Variants in BTD observed in about 807,000 individuals in gnomAD.
The protein encoded by BTD is biotinidase.
Under a neutral mutation model 17.7 loss-of-function variants are expected in BTD, and 13 were observed. The ratio of observed to expected loss-of-function variants is 0.74; its 90% CI spans 0.48 to 1.17. The LOEUF is 1.17. BTD is among the 50% of genes most tolerant of loss of function. The pLI is 0.00. For missense variants in BTD, 674 were observed against 650.4 expected (o/e 1.04, Z -0.39); for synonymous variants, 240 against 245.2 (o/e 0.98, Z 0.20).
rs562527497 is a variant in BTD, at chr3:15,620,641, G to A, written c.-16-14783G>A. 5.6e-4 allele frequency among the ~76,000 whole-genome samples: 86 copies of A among 152,300 alleles called. 1 individual carries two copies. In the South Asian group the frequency reaches 0.017, roughly 30 times the overall value. On this transcript the variant is annotated intron_variant, in intron 1 of 3. Transcript: ENST00000643237. ...GAGGTGACATACATCTTCAGCCTAC[G>A]AAGATAACAGGATTAAGAGATTAAA...
At chr3:15,698,817 G>A (rs996270233) in intron 3 of BTD, among the ~76,000 whole-genome samples, 3 of 151,976 alleles carry the variant, frequency 2.0e-5, no homozygotes, top group African/African-American at 4.8e-5. Flanking sequence ...CATACTACCC[G>A]AGGTACTTTA....
intron 3 of BTD, among the ~76,000 whole-genome samples, chr3:15,699,105 A>G (rs995828973): frequency 6.6e-6 from 1 of 152,196 alleles, no homozygotes; most frequent in Non-Finnish European, 1.5e-5. Context: ...CAACCATCTG[A>G]TTTTTGACAA....
intron 1 of BTD, among the ~76,000 whole-genome samples, chr3:15,613,963 T>C (rs1469315100): frequency 6.6e-6 from 1 of 152,040 alleles, no homozygotes; most frequent in Non-Finnish European, 1.5e-5. Context: ...TCTTCAAATA[T>C]TTCGTGTTCT....
In BTD at chr3:15,635,458, A is replaced by G. The variant is rs781152718; in HGVS notation, c.19A>G (p.Lys7Glu). MSGARS[K>E]LALFLCGCYV... ...CTGCATTATGTCTGGAGCCAGAAGT[A>G]AGCTTGCTCTTTTCCTCTGCGGCTG... The change falls in exon 2 of 4, where the codon AAG becomes GAG. Residue 7 changes from lysine (K) to glutamate (E), a missense_variant. Physicochemically the swap from Lys to Glu is moderately conservative, Grantham distance 56. Coordinates refer to ENST00000643237, the MANE Select transcript of BTD (RefSeq NM_001370658.1). This position sits in a 1 kb window ranked among gnomAD's most constrained non-coding sequence, Gnocchi z 4.1. 4.3e-6 allele frequency: 7 copies of G among 1,614,228 alleles called. No individual in the cohort carries two copies. The South Asian group carries it at 7.7e-5, about 18-fold the overall frequency.
chr3:15,601,747 G>A lies in BTD; in HGVS notation c.-164G>A, dbSNP rs769500469. The A allele has an allele frequency of 3.8e-6, 6 of 1,591,090 alleles. 1 individual carries two copies. Among genetic ancestry groups the A allele is most frequent in the Non-Finnish European group, 5.1e-6 (6 of 1,167,784 alleles). ...TGCCAGAGGGAGGCGGGACTAGCAG[G>A]AGATTGCTGCCTATGCAAAGCAGGT... On this transcript the variant is annotated 5_prime_UTR_variant, in exon 1 of 4. Coordinates refer to ENST00000643237, the MANE Select transcript of BTD (RefSeq NM_001370658.1).
chr3:15,687,437 CAAAGA>C (rs2068265362), intron 3 of BTD, among the ~76,000 whole-genome samples: 1 of 151,816 alleles, frequency 6.6e-6, no homozygotes, highest in South Asian at 2.1e-4. Context: ...AGAAGTAGTC[CAAAGA>C]AAAGAGCTTT....
intron 1 of BTD, 31 bp downstream of exon 1, chr3:15,601,925 G>T (rs113774440): frequency 1.9e-6 from 3 of 1,612,582 alleles, no homozygotes; most frequent in Non-Finnish European, 2.5e-6. Flanking sequence ...GGCGCGGAGG[G>T]GGTGTGGTAA....
chr3:15,621,753 C>T (rs2064957399), intron 1 of BTD, among the ~76,000 whole-genome samples: 1 of 152,114 alleles, frequency 6.6e-6, no homozygotes, highest in Admixed American at 6.6e-5. Flanking sequence ...GTGCCCACCA[C>T]CACGCCTGGC....
At chr3:15,674,133 C>T (rs1251497951) in intron 3 of BTD, among the ~76,000 whole-genome samples, 1 of 121,080 alleles carries the variant, frequency 8.3e-6, no homozygotes, top group Non-Finnish European at 1.6e-5. Context: ...GATCTCACCA[C>T]TGTACTCTAG....
chr3:15,713,789 G>T, downstream of BTD: 1 of 469,352 alleles, frequency 2.1e-6, no homozygotes, highest in Non-Finnish European at 3.8e-6. Flanking sequence ...CATTTATTGG[G>T]CCAGGCAATG....
chr3:15,635,284 A>G lies in BTD; in HGVS notation c.-16-140A>G. Reference sequence around the variant, plus strand: ...GAGAAACACATACTCTTTTATTAGGAACATGAAACAAACTCTTTGAGCCGC... The same window carrying G: ...GAGAAACACATACTCTTTTATTAGGGACATGAAACAAACTCTTTGAGCCGC... On this transcript the variant is annotated intron_variant, in intron 1 of 3. Transcript: ENST00000643237. This position sits in a 1 kb window ranked among gnomAD's most constrained non-coding sequence, Gnocchi z 4.1. 1 of 1,287,130 alleles carries G rather than the reference A, an allele frequency of 7.8e-7. No homozygotes were observed. Among genetic ancestry groups the G allele is most frequent in the Non-Finnish European group, 1.1e-6 (1 of 898,038 alleles). 79.7% of individuals were successfully genotyped at this position (1,287,130 alleles called of 1,614,324 possible). A position where few individuals can be genotyped will look rare whatever the true frequency, so the allele number is the denominator to read the frequency against.
chr3:15,692,144 T>TAAAAAAAA, intron 3 of BTD, among the ~76,000 whole-genome samples: 1 of 98,912 alleles, frequency 1.0e-5, no homozygotes, highest in Admixed American at 1.1e-4. Flanking sequence ...TATCTCTAAA[T>TAAAAAAAA]AAAAAAAAAA....
At chr3:15,630,040 A>T in intron 1 of BTD, 1 of 985,386 alleles carries the variant, frequency 1.0e-6, no homozygotes, top group Non-Finnish European at 1.2e-6. Flanking sequence ...TCACAGGGGG[A>T]ATGGGCAGCG....
rs2065731205 is a variant in BTD, at chr3:15,647,911, GCCT to G, written c.*2428_*2430del. On this transcript the variant is annotated 3_prime_UTR_variant, in exon 4 of 4. Coordinates refer to ENST00000643237, the MANE Select transcript of BTD (RefSeq NM_001370658.1). ...CTGTTCTTAGAGAGGAAAAAACCAGGCCTCCTCACAGACTGCCAAGTCCCAGAG... is the reference window on the plus strand; with the variant it reads ...CTGTTCTTAGAGAGGAAAAAACCAGGCCTCACAGACTGCCAAGTCCCAGAG... Among the ~76,000 whole-genome samples, 1 of 152,138 alleles carries G rather than the reference GCCT, an allele frequency of 6.6e-6. No individual in the cohort carries two copies. The highest frequency in any genetic ancestry group is 2.4e-5 in the African/African-American group (1 of 41,434).
Position 15,645,063 on chromosome 3 carries a change from T to G in BTD, c.1147T>G (p.Phe383Val), listed in dbSNP as rs104893686. 2.5e-6 allele frequency: 4 copies of G among 1,614,218 alleles called. No homozygotes were observed. The Admixed American group carries it at 6.7e-5, about 27-fold the overall frequency. ...TFHSEMMYDN[F>V]TLVPVWGKEG... ...TCACTCTGAGATGATGTATGACAAT[T>G]TCACCCTGGTCCCTGTCTGGGGAAA... Residue 383 changes from phenylalanine (F) to valine (V), a missense_variant, in exon 4 of 4, where the codon TTC becomes GTC. Physicochemically the swap from Phe to Val is conservative, Grantham distance 50. Coordinates refer to ENST00000643237, the MANE Select transcript of BTD (RefSeq NM_001370658.1).
rs201068191 is a variant in BTD at position 15,686,158 on chromosome 3, A to C, written c.400-23902A>C. The C allele has an allele frequency of 1.9e-6, 3 of 1,600,776 alleles. No individual in the cohort carries two copies. In the Admixed American group the frequency reaches 5.1e-5, roughly 27 times the overall value. ...GGAATAGGTTCAGTGCTGTCACTTAAGACTGTACTCTGGTTTTCGAAATAC... is the reference window on the plus strand; with the variant it reads ...GGAATAGGTTCAGTGCTGTCACTTACGACTGTACTCTGGTTTTCGAAATAC... On this transcript the variant is annotated intron_variant, in intron 3 of 3. Transcript: ENST00000672141.
At chr3:15,685,247 G>A (rs2067976390) in intron 3 of BTD, 1 of 1,613,932 alleles carries the variant, frequency 6.2e-7, no homozygotes. Context: ...GCCCAGTGAA[G>A]TGCCGTATAT....
chr3:15,601,866 A>T lies in BTD; in HGVS notation c.-45A>T, dbSNP rs540641302. On this transcript the variant is annotated 5_prime_UTR_variant, in exon 1 of 4. Transcript: ENST00000643237. ...TAAAGGGAGAATGGCGCATGCGCAT[A>T]TTCAGGGCGGAAGGCGCGCTAAGAG... 2.5e-6 allele frequency: 4 copies of T among 1,614,164 alleles called. No homozygotes were observed. In the East Asian group the frequency reaches 8.9e-5, roughly 36 times the overall value.
At chr3:15,612,318 C>G (rs1347855150) in intron 1 of BTD, among the ~76,000 whole-genome samples, 2 of 152,074 alleles carry the variant, frequency 1.3e-5, no homozygotes, top group Non-Finnish European at 2.9e-5. Context: ...ATAATAGTCC[C>G]TGAGTTCTTA....
Sources: gnomAD v4.1 joint callset for allele counts (sites outside exome capture counted in the v4.1 genomes callset) on GRCh38, gnomAD v4.1.1 for gene constraint, Gnocchi (gnomAD v3.1) non-coding constraint, MANE v1.5 for transcripts, NCBI Gene and HGNC (gene_info 2026-07-23, HGNC 2026-07-21) for gene names.